FUOM: variants seen among roughly 807,000 people sequenced by gnomAD.
FUOM encodes the protein protein fucU homolog.
A neutral mutation model predicts 18.3 loss-of-function variants in FUOM; 19 were observed. That is an observed-to-expected ratio of 1.04 (90% CI 0.73 to 1.53). The LOEUF (loss-of-function observed/expected upper bound fraction) is 1.53, where lower values mean the gene tolerates loss of function less well. Among genes scored for constraint, FUOM ranks in the 40% most tolerant of loss-of-function variants. The pLI is 0.00. For missense variants in FUOM, 210 were observed against 200.9 expected (o/e 1.04, Z -0.27); for synonymous variants, 102 against 87.9 (o/e 1.16, Z -0.90).
intron 3 of FUOM, 34 bp from the exon 4 acceptor site, chr10:133,356,772 A>G (rs1436901174): frequency 6.6e-7 from 1 of 1,510,596 alleles, no homozygotes; most frequent in Admixed American, 2.1e-5. Context: ...GGCCCTGGGC[A>G]CTGCCAGCCT....
chr10:133,356,165 C>T (rs1005403446), intron 4 of FUOM, among the ~76,000 whole-genome samples: 1 of 152,238 alleles, frequency 6.6e-6, no homozygotes, highest in Non-Finnish European at 1.5e-5. Context: ...CAAGACCTGC[C>T]AGTGGGTTGC....
intron 2 of FUOM, 61 bp from the exon 3 acceptor site, chr10:133,357,074 C>T (rs1848828812): frequency 2.6e-6 from 4 of 1,539,982 alleles, no homozygotes; most frequent in African/African-American, 1.4e-5. Context: ...CCTGTCTGCA[C>T]CCTTCACACT....
At chr10:133,354,320 C>T (rs1402917578), downstream of FUOM, among the ~76,000 whole-genome samples, 7 of 152,186 alleles carry the variant, frequency 4.6e-5, no homozygotes, top group African/African-American at 1.7e-4. Context: ...CCAAAGTCTG[C>T]AGCCAAGCCC....
In FUOM at chr10:133,355,510, G is replaced by C. The variant is rs1256320488; in HGVS notation, c.399-74C>G. ...GCCGAGACCCTGCTTCAGCATCTGG[G>C]GGACAGAGCAGACCCTGTCCACCTT... On this transcript the variant is annotated intron_variant, in intron 5 of 5. Coordinates refer to ENST00000278025, the MANE Select transcript of FUOM (RefSeq NM_001098483.3). 2.5e-6 allele frequency: 4 copies of C among 1,606,332 alleles called. No individual in the cohort carries two copies. In the South Asian group the frequency reaches 4.4e-5, roughly 18 times the overall value.
At chr10:133,357,647 A>C (rs1848853368) in intron 1 of FUOM, 1 of 495,078 alleles carries the variant, frequency 2.0e-6, no homozygotes, top group South Asian at 2.8e-5. Flanking sequence ...GAGAAGAAAA[A>C]GCGCCGAACC....
chr10:133,354,846 A>G (rs1448836484), downstream of FUOM, among the ~76,000 whole-genome samples: 6 of 152,134 alleles, frequency 3.9e-5, no homozygotes, highest in African/African-American at 1.4e-4. Context: ...TTCCTCCCGA[A>G]GCGTCCAGGC....
At chr10:133,354,293 A>AG (rs1848729010), downstream of FUOM, among the ~76,000 whole-genome samples, 1 of 152,202 alleles carries the variant, frequency 6.6e-6, no homozygotes, top group Non-Finnish European at 1.5e-5. Flanking sequence ...ATCTGGGAGC[A>AG]GCAGGCGGAC....
chr10:133,355,377 A>G lies in FUOM; in HGVS notation c.458T>C (p.Leu153Pro), dbSNP rs370314829. The change falls in exon 6 of 6, where the codon CTG becomes CCG. Residue 153 changes from leucine to proline, a missense_variant. By Grantham distance (98) the Leu-to-Pro change is moderately conservative (BLOSUM62 -3). Transcript: ENST00000278025. ...AGGTGGTCTTCACCAGGCCTACAGC[A>G]GGGGGTTGAGGGCAAGCACCCCCTT... The part of the protein sequence containing the change: ...LRKGVLALNP[L>P]L 10 of 1,605,660 alleles carry G rather than the reference A, an allele frequency of 6.2e-6. No homozygotes were observed. The highest frequency in any genetic ancestry group is 7.6e-6 in the Non-Finnish European group (9 of 1,178,216).
downstream of FUOM, among the ~76,000 whole-genome samples, chr10:133,352,874 C>T (rs1323847466): frequency 6.6e-6 from 1 of 152,258 alleles, no homozygotes; most frequent in African/African-American, 2.4e-5. Flanking sequence ...TGGGAGGCCA[C>T]ATGCCCCAGA....
At chr10:133,353,603 C>A (rs1848717678), downstream of FUOM, among the ~76,000 whole-genome samples, 1 of 152,182 alleles carries the variant, frequency 6.6e-6, no homozygotes. Flanking sequence ...GCTCCTTGCA[C>A]CGCCAGCAAA....
At chr10:133,357,278 C>T (rs780851714) in intron 1 of FUOM, 23 bp from the exon 2 acceptor site, 1 of 1,559,310 alleles carries the variant, frequency 6.4e-7, no homozygotes, top group Non-Finnish European at 8.7e-7. Context: ...GAGGACAGCC[C>T]GTGTCGGCAC....
rs1431453499 is a variant in FUOM at position 133,357,294 on chromosome 10, C to T, written c.86-39G>A. 4 of 1,549,492 alleles carry T rather than the reference C, an allele frequency of 2.6e-6. No homozygotes were observed. The South Asian group carries it at 3.6e-5, about 14-fold the overall frequency. On this transcript the variant is annotated intron_variant, in intron 1 of 5. Transcript: ENST00000278025. The stretch of plus-strand genomic sequence containing the variant: ...AGGACAGCCCGTGTCGGCACCTATC[C>T]CTGCCCTCGGGGTCGGCGCCGCCCG...
Position 133,356,993 on chromosome 10 carries a change from G to A in FUOM, c.175C>T (p.Leu59=). 2 of 1,550,254 alleles carry A rather than the reference G, an allele frequency of 1.3e-6. No individual in the cohort carries two copies. The highest frequency in any genetic ancestry group is 1.7e-6 in the Non-Finnish European group (2 of 1,146,980). Residue 59 remains leucine (L), a synonymous_variant, in exon 3 of 6, where the codon CTG becomes TTG. Transcript: ENST00000278025. ...GGCAGCAGCTTCAGCACGGCCTCCA[G>A]GAGCTGCGGGATGCCCAGGCCTGGA... ...RADGLGIPQL[L]EAVLKLLPLD...
downstream of FUOM, chr10:133,355,151 GC>G: frequency 1.7e-6 from 1 of 602,046 alleles, no homozygotes; most frequent in South Asian, 2.1e-5. Flanking sequence ...TGAGAACAGA[GC>G]TGGAATTGGA....
At chr10:133,355,642 A>C (rs1456955385) in intron 5 of FUOM, 96 bp downstream of exon 5, 6 of 1,550,078 alleles carry the variant, frequency 3.9e-6, no homozygotes, top group African/African-American at 1.4e-5. Flanking sequence ...AGCTGAGAAG[A>C]GGGTAGGGGC....
intron 3 of FUOM, 88 bp from the exon 4 acceptor site, chr10:133,356,826 G>A: frequency 6.9e-7 from 1 of 1,441,930 alleles, no homozygotes; most frequent in Non-Finnish European, 9.4e-7. Flanking sequence ...TGAGGGTCAG[G>A]GCCCCTTTGG....
At chr10:133,357,851 G>T in intron 1 of FUOM, 72 bp downstream of exon 1, 1 of 1,330,694 alleles carries the variant, frequency 7.5e-7, no homozygotes. Flanking sequence ...CCCGGCCCGG[G>T]GGTCCCCGTG....
chr10:133,356,809 C>A (rs1297917613), intron 3 of FUOM, 71 bp from the exon 4 acceptor site: 1 of 1,456,028 alleles, frequency 6.9e-7, no homozygotes, highest in African/African-American at 1.4e-5. Context: ...ATTCGGGACT[C>A]CCCTGGTGAG....
downstream of FUOM, chr10:133,355,112 C>T: frequency 1.8e-6 from 1 of 544,528 alleles, no homozygotes; most frequent in South Asian, 2.4e-5. Flanking sequence ...CAGCAGCCTC[C>T]CTTGAGCTCA....
Sources: allele counts gnomAD v4.1 joint callset (sites outside exome capture counted in the v4.1 genomes callset), GRCh38; gene constraint gnomAD v4.1.1; transcripts MANE v1.5; gene names NCBI Gene and HGNC (gene_info 2026-07-23, HGNC 2026-07-21).